Variants in HDAC9 observed in about 807,000 individuals in gnomAD.
HDAC9 encodes MEF-2 interacting transcription repressor (MITR) protein.
Under a neutral mutation model 139.4 loss-of-function variants are expected in HDAC9, and 41 were observed. The observed-to-expected ratio is 0.29, with a 90% CI of 0.23 to 0.38. The LOEUF (loss-of-function observed/expected upper bound fraction) is 0.38, where lower values mean the gene tolerates loss of function less well. Ranked by LOEUF, HDAC9 falls within the 10% of genes least tolerant of loss-of-function variation. The pLI, the probability that HDAC9 is intolerant of heterozygous loss-of-function variation, is 1.00. For synonymous variants in HDAC9, 517 were observed against 476.2 expected (o/e 1.09, Z -1.12); for missense variants, 1,147 against 1,297.0 (o/e 0.88, Z 1.78).
At chr7:18,486,936 T>C (rs1410721985) in intron 1 of HDAC9, among the ~76,000 whole-genome samples, 2 of 152,120 alleles carry the variant, frequency 1.3e-5, no homozygotes, top group Non-Finnish European at 2.9e-5. Context: ...TAGATTCATA[T>C]GTATCTATTC....
At chr7:18,659,999 A>G (rs1243204587) in intron 11 of HDAC9, among the ~76,000 whole-genome samples, 3 of 152,202 alleles carry the variant, frequency 2.0e-5, no homozygotes, top group African/African-American at 4.8e-5. Context: ...GGGTTAGCCC[A>G]TACCAGCTTT....
intron 1 of HDAC9, among the ~76,000 whole-genome samples, chr7:18,444,826 T>A (rs886960160): frequency 2.0e-5 from 3 of 152,258 alleles, no homozygotes; most frequent in Non-Finnish European, 4.4e-5. Flanking sequence ...CTAAGCCTGT[T>A]CTTGACCATT....
chr7:18,919,147 G>C (rs1748661720), intron 22 of HDAC9, among the ~76,000 whole-genome samples: 1 of 152,022 alleles, frequency 6.6e-6, no homozygotes, highest in South Asian at 2.1e-4. Flanking sequence ...ATAATTGTCA[G>C]AAACACAAAG....
At chr7:18,430,850 G>A (rs1790576941) in intron 1 of HDAC9, 1 of 152,270 alleles carries the variant, frequency 6.6e-6, no homozygotes, top group Non-Finnish European at 1.5e-5. Context: ...TTGTGCCAGT[G>A]CCCTCCATCC....
At chr7:18,588,549 A>G (rs1830074402) in intron 3 of HDAC9, among the ~76,000 whole-genome samples, 1 of 152,222 alleles carries the variant, frequency 6.6e-6, no homozygotes, top group Non-Finnish European at 1.5e-5. Context: ...GTTTGGGTAC[A>G]TTGAACCATC....
chr7:18,994,861 T>C (rs1017794353), intron 25 of HDAC9, among the ~76,000 whole-genome samples: 10 of 152,180 alleles, frequency 6.6e-5, no homozygotes, highest in African/African-American at 2.4e-4. Flanking sequence ...TAATTCATTA[T>C]AGAATCCTGG....
chr7:18,869,598 G>T (rs1279591936), intron 21 of HDAC9, among the ~76,000 whole-genome samples: 1 of 152,068 alleles, frequency 6.6e-6, no homozygotes, highest in Non-Finnish European at 1.5e-5. Context: ...TAAAGAGACT[G>T]AGTCCTCAAC....
At chr7:18,697,087 C>T (rs1340506658) in intron 12 of HDAC9, among the ~76,000 whole-genome samples, 2 of 152,072 alleles carry the variant, frequency 1.3e-5, no homozygotes, top group African/African-American at 4.8e-5. Context: ...TAAGAGTAAA[C>T]GATGCCTGAG....
At chr7:18,257,118 ATG>A (rs150400645) in intron 2 of HDAC9, among the ~76,000 whole-genome samples, 1,865 of 95,232 alleles carry the variant, frequency 0.02, 16 homozygotes, top group Middle Eastern at 0.035. Context: ...GTGTGCATGT[ATG>A]TGTGTGTGTG....
chr7:18,768,405 T>C (rs1351632099), intron 16 of HDAC9, among the ~76,000 whole-genome samples: 2 of 152,164 alleles, frequency 1.3e-5, no homozygotes, highest in African/African-American at 4.8e-5. Context: ...GTGTGGCTGA[T>C]GTGGTATAAC....
chr7:18,445,758 C>G (rs1257822894), intron 1 of HDAC9, among the ~76,000 whole-genome samples: 1 of 152,126 alleles, frequency 6.6e-6, no homozygotes. Flanking sequence ...TCAAAAACCT[C>G]CTTTTATGCA....
At chr7:18,977,923 C>CAGACAG (rs1784650813) in intron 25 of HDAC9, among the ~76,000 whole-genome samples, 2 of 47,208 alleles carry the variant, frequency 4.2e-5, no homozygotes, top group Admixed American at 1.8e-4. Context: ...CAGACAGACA[C>CAGACAG]ACACACACAC....
intron 1 of HDAC9, among the ~76,000 whole-genome samples, chr7:18,308,918 T>C (rs1182945996): frequency 1.3e-5 from 2 of 152,190 alleles, no homozygotes; most frequent in African/African-American, 2.4e-5. Flanking sequence ...CCTGTGTGCA[T>C]AGATGTAGAA....
At chr7:18,140,031 C>T (rs955794336) in intron 1 of HDAC9, among the ~76,000 whole-genome samples, 1 of 152,068 alleles carries the variant, frequency 6.6e-6, no homozygotes, top group East Asian at 1.9e-4. Context: ...TTATGGCAGC[C>T]ACAAGAAATG....
chr7:18,864,773 G>A (rs969883991), intron 21 of HDAC9, among the ~76,000 whole-genome samples: 6 of 152,104 alleles, frequency 3.9e-5, no homozygotes, highest in African/African-American at 1.4e-4. Flanking sequence ...TTGAGTTACT[G>A]TTTCACGGTT....
chr7:18,734,749 C>T (rs1036137750), intron 13 of HDAC9, among the ~76,000 whole-genome samples: 1 of 152,144 alleles, frequency 6.6e-6, no homozygotes, highest in African/African-American at 2.4e-5. Context: ...TGGGTATATA[C>T]CCAGTAATGG....
intron 22 of HDAC9, among the ~76,000 whole-genome samples, chr7:18,904,242 A>G (rs933006928): frequency 6.6e-6 from 1 of 152,230 alleles, no homozygotes; most frequent in Non-Finnish European, 1.5e-5. Flanking sequence ...AAAGTAGAAG[A>G]TAATTATGAG....
intron 23 of HDAC9, among the ~76,000 whole-genome samples, chr7:18,937,663 T>C (rs1781737844): frequency 2.0e-5 from 3 of 152,200 alleles, no homozygotes; most frequent in Non-Finnish European, 2.9e-5. Flanking sequence ...TATAGAAATA[T>C]GTTACAGAAG....
chr7:18,711,840 G>A (rs1021192596), intron 12 of HDAC9, among the ~76,000 whole-genome samples: 3 of 152,040 alleles, frequency 2.0e-5, no homozygotes, highest in Non-Finnish European at 2.9e-5. Flanking sequence ...AGCTCAAATA[G>A]CCATTCACCA....
Sources: allele counts gnomAD v4.1 joint callset (sites outside exome capture counted in the v4.1 genomes callset), GRCh38; gene constraint gnomAD v4.1.1; transcripts MANE v1.5; gene names NCBI Gene and HGNC (gene_info 2026-07-23, HGNC 2026-07-21).